SPMIP3: variants seen among roughly 807,000 people sequenced by gnomAD.
The protein encoded by SPMIP3 is sperm microtubule inner protein 3.
At chr1:244,376,966 G>A in the SPMIP3 span, among the ~76,000 whole-genome samples, 1 of 151,452 alleles carries the variant, frequency 6.6e-6, no homozygotes, top group African/African-American at 2.4e-5. Context: ...CCACCATCAC[G>A]CTCGGCTAAT....
At chr1:244,373,227 GT>G in the SPMIP3 span, among the ~76,000 whole-genome samples, 1 of 149,756 alleles carries the variant, frequency 6.7e-6, no homozygotes, top group Non-Finnish European at 1.5e-5. Context: ...AAAAAAAATG[GT>G]TTTCCACATT....
the SPMIP3 span, among the ~76,000 whole-genome samples, chr1:244,369,616 G>A: frequency 6.6e-6 from 1 of 152,064 alleles, no homozygotes; most frequent in Non-Finnish European, 1.5e-5. Flanking sequence ...GGTCCCTGGT[G>A]AAGTGCAGGT....
At chr1:244,376,589 G>C in the SPMIP3 span, 3 of 152,136 alleles carry the variant, frequency 2.0e-5, no homozygotes, top group Admixed American at 1.3e-4. Flanking sequence ...GAATCATCCA[G>C]ATCTACATCA....
chr1:244,381,431 G>A, the SPMIP3 span, among the ~76,000 whole-genome samples: 1 of 152,156 alleles, frequency 6.6e-6, no homozygotes, highest in Non-Finnish European at 1.5e-5. Flanking sequence ...GTTCTCCCTT[G>A]CTTAGTTTAG....
chr1:244,373,436 G>T, the SPMIP3 span, among the ~76,000 whole-genome samples: 1 of 148,446 alleles, frequency 6.7e-6, no homozygotes. Context: ...CCAGGAGTTA[G>T]AGGCTACAGT....
chr1:244,380,117 G>GTTTT, the SPMIP3 span, among the ~76,000 whole-genome samples: 23 of 132,224 alleles, frequency 1.7e-4, no homozygotes, highest in East Asian at 9.6e-4. Flanking sequence ...CATTCACAGA[G>GTTTT]TTTTTCTTTT....
At chr1:244,367,786 C>CCA in the SPMIP3 span, among the ~76,000 whole-genome samples, 2 of 152,294 alleles carry the variant, frequency 1.3e-5, no homozygotes, top group Non-Finnish European at 2.9e-5. Context: ...CCAGATAAGA[C>CCA]CACAGTTAAA....
chr1:244,373,864 A>G, the SPMIP3 span, among the ~76,000 whole-genome samples: 4 of 152,232 alleles, frequency 2.6e-5, no homozygotes, highest in African/African-American at 7.2e-5. Flanking sequence ...CTGTAATCCC[A>G]GCACTTTGGG....
chr1:244,375,355 C>G, the SPMIP3 span: 2 of 1,596,382 alleles, frequency 1.3e-6, no homozygotes, highest in Non-Finnish European at 1.7e-6. Context: ...TTCTCACCTC[C>G]TCACTTTCTG....
the SPMIP3 span, among the ~76,000 whole-genome samples, chr1:244,357,644 G>A: frequency 6.8e-6 from 1 of 146,614 alleles, no homozygotes; most frequent in Non-Finnish European, 1.5e-5. Context: ...AGGAGGTGGA[G>A]GTTGCAGTGA....
At chr1:244,382,991 T>A in the SPMIP3 span, among the ~76,000 whole-genome samples, 1 of 151,248 alleles carries the variant, frequency 6.6e-6, no homozygotes, top group Non-Finnish European at 1.5e-5. Flanking sequence ...AGACCAGAGA[T>A]GATGGTGGCT....
chr1:244,378,470 G>A, the SPMIP3 span: 182 of 1,609,956 alleles, frequency 1.1e-4, 1 homozygote, highest in South Asian at 1.8e-3. Flanking sequence ...CATTTAGACC[G>A]CTCATAGACT....
chr1:244,381,156 A>G, the SPMIP3 span, among the ~76,000 whole-genome samples: 97,686 of 151,542 alleles, frequency 0.64, 32,077 homozygotes, highest in East Asian at 0.83. Context: ...TGAAGGATGT[A>G]CGAGGCTTGG....
the SPMIP3 span, among the ~76,000 whole-genome samples, chr1:244,360,392 G>A: frequency 0.016 from 2,358 of 152,102 alleles, 67 homozygotes; most frequent in African/African-American, 0.053. Context: ...AAAGGAAATT[G>A]TTATATCAAA....
At chr1:244,378,386 AG>A in the SPMIP3 span, 1 of 1,409,846 alleles carries the variant, frequency 7.1e-7, no homozygotes, top group Non-Finnish European at 9.7e-7. Context: ...GGCCGTTTCC[AG>A]GGAATGGATT....
the SPMIP3 span, among the ~76,000 whole-genome samples, chr1:244,360,398 T>A: frequency 6.6e-6 from 1 of 151,992 alleles, no homozygotes; most frequent in Non-Finnish European, 1.5e-5. Context: ...AATTGTTATA[T>A]CAAAGAGATA....
chr1:244,364,896 C>G, the SPMIP3 span: 2 of 916,574 alleles, frequency 2.2e-6, no homozygotes, highest in Non-Finnish European at 3.4e-6. Flanking sequence ...TGGATATTTC[C>G]TGATGAGCAG....
At chr1:244,376,763 T>A in the SPMIP3 span, among the ~76,000 whole-genome samples, 2 of 152,218 alleles carry the variant, frequency 1.3e-5, no homozygotes, top group Non-Finnish European at 2.9e-5. Context: ...AAACTTAATG[T>A]ATCGTGGACT....
the SPMIP3 span, among the ~76,000 whole-genome samples, chr1:244,362,433 A>C: frequency 2.3e-3 from 352 of 152,326 alleles, 4 homozygotes; most frequent in African/African-American, 8.0e-3. Flanking sequence ...TCTTGGGAGT[A>C]AATAGCAGTA....
Sources: gnomAD v4.1 joint callset for allele counts (sites outside exome capture counted in the v4.1 genomes callset) on GRCh38, gnomAD v4.1.1 for gene constraint, MANE v1.5 for transcripts, NCBI Gene and HGNC (gene_info 2026-07-23, HGNC 2026-07-21) for gene names.